Variants in ERN1 observed in about 807,000 individuals in gnomAD.
The protein encoded by ERN1 is endoplasmic reticulum to nucleus signaling 1.
Under a neutral mutation model 113.1 loss-of-function variants are expected in ERN1, and 39 were observed. The ratio of observed to expected loss-of-function variants is 0.34; its 90% CI spans 0.27 to 0.45. The LOEUF is 0.45. Ranked by LOEUF, ERN1 falls within the 20% of genes least tolerant of loss-of-function variation. The pLI is 1.00. For synonymous variants in ERN1, 507 were observed against 515.9 expected (o/e 0.98, Z 0.23); for missense variants, 976 against 1,274.8 (o/e 0.77, Z 3.57).
chr17:64,124,520 G>A (rs942656507), intron 1 of ERN1, among the ~76,000 whole-genome samples: 1 of 152,138 alleles, frequency 6.6e-6, no homozygotes, highest in Non-Finnish European at 1.5e-5. Flanking sequence ...TAAGTCTCAC[G>A]AGATTTGATG....
intron 2 of ERN1, among the ~76,000 whole-genome samples, chr17:64,095,622 A>T (rs1310511258): frequency 1.3e-5 from 2 of 151,962 alleles, no homozygotes; most frequent in Non-Finnish European, 2.9e-5. Flanking sequence ...TCCCACACAC[A>T]GCTGCTAGAG....
chr17:64,068,516 T>C (rs1336172680), intron 6 of ERN1, among the ~76,000 whole-genome samples: 1 of 152,246 alleles, frequency 6.6e-6, no homozygotes, highest in Non-Finnish European at 1.5e-5. Context: ...CCACCCTCGC[T>C]ATGCCCTTGG....
chr17:64,112,550 T>A (rs17641560), intron 1 of ERN1, among the ~76,000 whole-genome samples: 9,404 of 152,224 alleles, frequency 0.062, 302 homozygotes, highest in Non-Finnish European at 0.072. Flanking sequence ...CTGAGCAGTA[T>A]AATGTGGTTG....
intron 1 of ERN1, among the ~76,000 whole-genome samples, chr17:64,116,287 C>T (rs1044954449): frequency 1.3e-5 from 2 of 152,132 alleles, no homozygotes; most frequent in African/African-American, 4.8e-5. Flanking sequence ...ACCGAAAGCC[C>T]CAGAGATTTC....
chr17:64,119,684 G>A (rs1236419053), intron 1 of ERN1, among the ~76,000 whole-genome samples: 6 of 151,872 alleles, frequency 4.0e-5, no homozygotes, highest in Admixed American at 2.0e-4. Context: ...GAGCCACCAC[G>A]CCTAGAACTA....
chr17:64,054,463 G>A lies in ERN1; in HGVS notation c.1764-24C>T. 1 of 1,544,920 alleles carries A rather than the reference G, an allele frequency of 6.5e-7. No individual in the cohort carries two copies. The highest frequency in any genetic ancestry group is 8.8e-7 in the Non-Finnish European group (1 of 1,141,322). The stretch of plus-strand genomic sequence containing the variant: ...CCCTGCGGGATGAGGAGTGGGAGTT[G>A]TGTCTGGGAAGCACGAGTCAGGCTG... On this transcript the variant is annotated intron_variant, in intron 14 of 21. Transcript: ENST00000433197. This position sits in a 1 kb window ranked among gnomAD's most constrained non-coding sequence, Gnocchi z 4.9.
intron 2 of ERN1, among the ~76,000 whole-genome samples, chr17:64,095,711 T>C (rs927680212): frequency 6.6e-6 from 1 of 152,170 alleles, no homozygotes; most frequent in Admixed American, 6.5e-5. Flanking sequence ...TTCAGTCAGA[T>C]ACAAATGCCT....
At position 64,072,039 on chromosome 17, in the gene ERN1, T is replaced by A. The variant is rs1460564682; in HGVS notation, c.420A>T (p.Ser140=). The change falls in exon 6 of 22, where the codon TCA becomes TCT. Residue 140 remains serine (S), a synonymous_variant. Transcript: ENST00000433197. ...GGCAGAGACTATCTGCAAAGGCCGA[T>A]GACAAAGTCTGCTGCTTCTCTCCGG... The part of the protein sequence containing the change: ...LLTGEKQQTL[S]SAFADSLCPS... The A allele has an allele frequency of 3.7e-5, 60 of 1,607,466 alleles. No homozygotes were observed. Among genetic ancestry groups the A allele is most frequent in the Non-Finnish European group, 4.6e-5 (54 of 1,176,822 alleles).
rs536593377 is a variant in ERN1, at chr17:64,068,249, C to T, written c.521G>A (p.Arg174Gln). Residue 174 changes from arginine to glutamine, a missense_variant, in exon 7 of 22, where the codon CGG becomes CAG. Coordinates refer to ENST00000433197, the MANE Select transcript of ERN1 (RefSeq NM_001433.5). ...TMYDTKTREL[R>Q]WNATYFDYAA... ...ATAGTCAAAGTAGGTGGCATTCCAC[C>T]GGAGCTCTCGGGTTTTGGTGTCGTA... is the stretch of plus-strand genomic sequence containing the variant. The T allele has an allele frequency of 1.6e-5, 26 of 1,612,812 alleles. No individual in the cohort carries two copies. The highest frequency in any genetic ancestry group is 2.2e-5 in the East Asian group (1 of 44,862).
chr17:64,116,407 T>A (rs776249505), intron 1 of ERN1, among the ~76,000 whole-genome samples: 4 of 152,126 alleles, frequency 2.6e-5, no homozygotes, highest in Non-Finnish European at 5.9e-5. Flanking sequence ...TTGTTCTTAA[T>A]CTCCACATAT....
At chr17:64,056,966 T>G (rs1912891505) in intron 12 of ERN1, among the ~76,000 whole-genome samples, 1 of 152,158 alleles carries the variant, frequency 6.6e-6, no homozygotes, top group South Asian at 2.1e-4. Flanking sequence ...ATCTCGATGC[T>G]CTGAGCAACC....
intron 11 of ERN1, among the ~76,000 whole-genome samples, chr17:64,059,826 A>T (rs571097779): frequency 6.8e-6 from 1 of 147,968 alleles, no homozygotes; most frequent in East Asian, 2.0e-4. Flanking sequence ...ATAAAACTTC[A>T]GATCTCATCA....
intron 1 of ERN1, chr17:64,128,698 TTA>T (rs1362849169): frequency 6.6e-6 from 1 of 152,152 alleles, no homozygotes; most frequent in Non-Finnish European, 1.5e-5. Context: ...AAACCTGACC[TTA>T]GTTGTAAAAG....
At chr17:64,125,944 C>T (rs60276348) in intron 1 of ERN1, among the ~76,000 whole-genome samples, 46,469 of 152,026 alleles carry the variant, frequency 0.31, 12,891 homozygotes, top group African/African-American at 0.74. Flanking sequence ...ATTTTTATAC[C>T]GTTGTATTTG....
chr17:64,046,213 A>G (rs990984006), intron 19 of ERN1, among the ~76,000 whole-genome samples: 7 of 152,216 alleles, frequency 4.6e-5, no homozygotes, highest in African/African-American at 9.7e-5. Flanking sequence ...ATGAAGATGA[A>G]GCCAGACTGG....
At position 64,087,861 on chromosome 17, in the gene ERN1, G is replaced by A. The variant is rs140607898; in HGVS notation, c.176-7053C>T. ...GAGACTGAAGGGAAACCCAAGTTAAGAGCATGAAGGACCCTGTCAGGACCA... is the reference window on the plus strand; with the variant it reads ...GAGACTGAAGGGAAACCCAAGTTAAAAGCATGAAGGACCCTGTCAGGACCA... On this transcript the variant is annotated intron_variant, in intron 2 of 21. Transcript: ENST00000433197. 9.6e-3 allele frequency among the ~76,000 whole-genome samples: 1,464 copies of A among 152,284 alleles called. 15 individuals carry two copies. The highest frequency in any genetic ancestry group is 0.016 in the Non-Finnish European group (1,113 of 68,006).
rs541102253 is a variant in ERN1 at position 64,055,860 on chromosome 17, AGCTGCT to A, written c.1481_1486del (p.Gln494_Gln495del). ...CGTGTCTCCAGGTGGGTGGAAGGGC[AGCTGCT>A]GCTGCTGCTGCTGCAGGAGCTGGAT... On this transcript the variant is annotated inframe_deletion, in exon 13 of 22. Transcript: ENST00000433197. The A allele has an allele frequency of 3.9e-5, 61 of 1,550,870 alleles. No individual in the cohort carries two copies. Among genetic ancestry groups the A allele is most frequent in the Admixed American group, 1.8e-4 (9 of 50,970 alleles).
intron 2 of ERN1, among the ~76,000 whole-genome samples, chr17:64,097,388 C>T (rs186293855): frequency 4.8e-4 from 73 of 152,194 alleles, no homozygotes; most frequent in African/African-American, 1.7e-3. Flanking sequence ...AGAGTAGTGA[C>T]GAAAGAGAAC....
chr17:64,128,161 ATTTTTTTTTTT>A (rs760752335), intron 1 of ERN1, among the ~76,000 whole-genome samples: 1 of 126,400 alleles, frequency 7.9e-6, no homozygotes, highest in Admixed American at 7.8e-5. Flanking sequence ...CGCCCGGCTA[ATTTTTTTTTTT>A]TTTTTTTTTT....
Sources: allele counts gnomAD v4.1 joint callset (sites outside exome capture counted in the v4.1 genomes callset), GRCh38; gene constraint gnomAD v4.1.1; non-coding constraint Gnocchi (gnomAD v3.1); transcripts MANE v1.5; gene names NCBI Gene and HGNC (gene_info 2026-07-23, HGNC 2026-07-21).